Variants in LRRC46 observed in about 807,000 individuals in gnomAD.
The protein encoded by LRRC46 is leucine rich repeat containing 46.
LRRC46 carries 20 observed loss-of-function variants against 28.0 expected under a neutral mutation model. That is an observed-to-expected ratio of 0.71 (90% confidence interval 0.50 to 1.04). The LOEUF (loss-of-function observed/expected upper bound fraction) is 1.04. Ranked by LOEUF, LRRC46 falls within the 50% of genes least tolerant of loss-of-function variation. The probability of loss-of-function intolerance (pLI) is 0.00; values close to 1 mark genes in which losing one functional copy is unlikely to be tolerated. For synonymous variants in LRRC46, 156 were observed against 158.8 expected, an observed-to-expected ratio of 0.98 and a Z score of 0.13; for missense variants, 315 against 390.1, an observed-to-expected ratio of 0.81 and a Z score of 1.62.
chr17:47,831,714 C>A lies in LRRC46; in HGVS notation c.-276C>A. 1 of 645,394 alleles carries A rather than the reference C, an allele frequency of 1.5e-6. No individual in the cohort carries two copies. 40.0% of individuals were successfully genotyped at this position (645,394 alleles called of 1,614,324 possible). A position where few individuals can be genotyped will look rare whatever the true frequency, so the allele number is the denominator to read the frequency against. On this transcript the variant is annotated 5_prime_UTR_variant, in exon 1 of 8. The change creates a new upstream start codon in the 5' untranslated region. Coordinates refer to ENST00000269025, the MANE Select transcript of LRRC46 (RefSeq NM_033413.4). ...AGCAACGACTCCGGCTTCCTAGGAA[C>A]TGCTCCTTTCTCAACCATTCCTGCC...
At chr17:47,835,804 AAC>A in intron 5 of LRRC46, 29 bp downstream of exon 5, 1 of 1,587,570 alleles carries the variant, frequency 6.3e-7, no homozygotes, top group Non-Finnish European at 8.7e-7. Flanking sequence ...TGGCTCACCA[AAC>A]ACATCCCCTG....
chr17:47,837,384 C>T lies in LRRC46; in HGVS notation c.*264C>T, dbSNP rs2033712494. On this transcript the variant is annotated 3_prime_UTR_variant, in exon 8 of 8. Coordinates refer to ENST00000269025, the MANE Select transcript of LRRC46 (RefSeq NM_033413.4). ...ACAGGGCAGGCATGCCTCAGGCCCC[C>T]GCTGGCTTCCTGGCTCCCACTTGGG... The T allele has an allele frequency of 1.0e-5, 5 of 485,498 alleles. No homozygotes were observed. The highest frequency in any genetic ancestry group is 8.2e-5 in the South Asian group (3 of 36,366). The allele number at this position is 485,498 out of a possible 1,614,324, so 30.1% of individuals were successfully genotyped here.
intron 5 of LRRC46, 74 bp from the exon 6 acceptor site, chr17:47,835,959 C>T (rs1268725285): frequency 1.3e-6 from 2 of 1,537,452 alleles, no homozygotes; most frequent in Non-Finnish European, 9.0e-7. Context: ...ATGAGAACCC[C>T]ATTCCCATCG....
chr17:47,836,093 A>T lies in LRRC46; in HGVS notation c.443A>T (p.Asp148Val), dbSNP rs1433829696. 1 of 1,614,156 alleles carries T rather than the reference A, an allele frequency of 6.2e-7. No individual in the cohort carries two copies. Among genetic ancestry groups the T allele is most frequent in the Admixed American group, 1.7e-5 (1 of 60,024 alleles). Residue 148 changes from aspartate to valine, a missense_variant, in exon 6 of 8, where the codon GAT becomes GTT. Asp to Val is a radical substitution (Grantham distance 152). Transcript: ENST00000269025. This position sits in a 1 kb window ranked among gnomAD's most constrained non-coding sequence, Gnocchi z 5.8. The stretch of plus-strand genomic sequence containing the variant: ...TCTGGAAACAGCTGCACCAACCAGG[A>T]TGGCTACCGGTAAGGAGTGGAGGGT... ...NLSGNSCTNQ[D>V]GYRELVTEAL...
At chr17:47,832,265 C>A in intron 2 of LRRC46, 60 bp downstream of exon 2, 1 of 1,257,940 alleles carries the variant, frequency 7.9e-7, no homozygotes, top group Non-Finnish European at 1.1e-6. Context: ...ATGACCAGGT[C>A]CCTGACGTGT....
Position 47,835,712 on chromosome 17 carries a change from C to G in LRRC46, c.319C>G (p.Leu107Val), listed in dbSNP as rs1292289460. The G allele has an allele frequency of 6.2e-7, 1 of 1,614,218 alleles. No individual in the cohort carries two copies. Among genetic ancestry groups the G allele is most frequent in the Non-Finnish European group, 8.5e-7 (1 of 1,180,044 alleles). The change falls in exon 5 of 8, where the codon CTC (leucine) becomes GTC (valine). Residue 107 changes from leucine to valine, a missense_variant. Physicochemically the swap from Leu to Val is conservative, Grantham distance 32 (BLOSUM62 1). Coordinates refer to ENST00000269025, the MANE Select transcript of LRRC46 (RefSeq NM_033413.4). ...CCAAATCAGGCAGGTGGAAAACCTC[C>G]TCGACCTCCCATGCCTCCAGTTTCT... ...GNQIRQVENL[L>V]DLPCLQFLDL...
chr17:47,833,785 C>G (rs987870934), intron 2 of LRRC46: 4 of 173,756 alleles, frequency 2.3e-5, no homozygotes, highest in Non-Finnish European at 4.3e-5. Context: ...GGGTCTTGCT[C>G]TGTCACCCAG....
Position 47,837,628 on chromosome 17 carries a change from G to T in LRRC46, c.*508G>T. On this transcript the variant is annotated 3_prime_UTR_variant, in exon 8 of 8. Transcript: ENST00000269025. Reference sequence around the variant, plus strand: ...CCACAGGCCCCGCAGCCAGCCCACAGCTGCCTTTGGGCCTCACTTGGCTCT... The same window carrying T: ...CCACAGGCCCCGCAGCCAGCCCACATCTGCCTTTGGGCCTCACTTGGCTCT... The T allele has an allele frequency of 1.7e-6, 1 of 592,068 alleles. No individual in the cohort carries two copies. Among genetic ancestry groups the T allele is most frequent in the Non-Finnish European group, 2.8e-6 (1 of 356,020 alleles). The allele number at this position is 592,068 out of a possible 1,614,324, so 36.7% of individuals were successfully genotyped here.
At chr17:47,835,822 C>A in intron 5 of LRRC46, 47 bp downstream of exon 5, 1 of 1,509,926 alleles carries the variant, frequency 6.6e-7, no homozygotes, top group Non-Finnish European at 9.2e-7. Context: ...CCCTGTGGGG[C>A]CTGCCCTCCC....
chr17:47,834,054 A>G (rs2033666399), intron 2 of LRRC46: 1 of 999,312 alleles, frequency 1.0e-6, no homozygotes, highest in Non-Finnish European at 1.2e-6. Context: ...GAAGGTGAGG[A>G]AGGATCTTTC....
rs1302839966 is a variant in LRRC46, at chr17:47,836,563, C to T, written c.595+88C>T. 2.6e-5 allele frequency: 41 copies of T among 1,548,344 alleles called. No homozygotes were observed. Among genetic ancestry groups the T allele is most frequent in the Non-Finnish European group, 3.3e-5 (38 of 1,145,190 alleles). ...GGGAAGCTAAGGTGGCAGTGGCGTCCGGGGAGGGGAGCCCCAAGTTCAGAT... is the reference window on the plus strand; with the variant it reads ...GGGAAGCTAAGGTGGCAGTGGCGTCTGGGGAGGGGAGCCCCAAGTTCAGAT... On this transcript the variant is annotated intron_variant, in intron 7 of 7. Coordinates refer to ENST00000269025, the MANE Select transcript of LRRC46 (RefSeq NM_033413.4). This position sits in a 1 kb window ranked among gnomAD's most constrained non-coding sequence, Gnocchi z 5.8.
intron 3 of LRRC46, 101 bp downstream of exon 3, chr17:47,834,634 T>C (rs1054367317): frequency 1.4e-6 from 1 of 721,918 alleles, no homozygotes. Context: ...TTCCCTGGTG[T>C]TCAGGCAGGC....
Position 47,836,387 on chromosome 17 carries a change from G to GA in LRRC46, c.507_508insA (p.Val170SerfsTer8). On this transcript the variant is annotated frameshift_variant, in exon 7 of 8. Coordinates refer to ENST00000269025, the MANE Select transcript of LRRC46 (RefSeq NM_033413.4). LOFTEE classifies it high-confidence loss of function. The surrounding 1 kb of genome is among the most constrained non-coding windows in gnomAD (Gnocchi z 5.8). ...TCCTGGACCTGGACGGGCAGCCTGT[G>GA]GTGGAGCGCTGGATTTCGGATGAGG... 1 of 1,614,132 alleles carries GA rather than the reference G, an allele frequency of 6.2e-7. No homozygotes were observed. Among genetic ancestry groups the GA allele is most frequent in the Non-Finnish European group, 8.5e-7 (1 of 1,180,020 alleles).
At chr17:47,835,588 G>A (rs554923232) in intron 4 of LRRC46, 78 bp from the exon 5 acceptor site, 22 of 1,477,480 alleles carry the variant, frequency 1.5e-5, no homozygotes, top group South Asian at 1.0e-4. Context: ...CAGGGGCCCC[G>A]GTGTCAGGTG....
At chr17:47,835,552 C>T in intron 4 of LRRC46, 114 bp from the exon 5 acceptor site, 2 of 1,342,462 alleles carry the variant, frequency 1.5e-6, no homozygotes, top group East Asian at 2.3e-5. Context: ...GGCCATGTGT[C>T]CCCACTGGTC....
chr17:47,835,376 C>T lies in LRRC46; in HGVS notation c.249C>T (p.Asn83=), dbSNP rs1174811181. The change falls in exon 4 of 8, where the codon AAC becomes AAT. Residue 83 remains asparagine, a synonymous_variant. Coordinates refer to ENST00000269025, the MANE Select transcript of LRRC46 (RefSeq NM_033413.4). Reference sequence around the variant, plus strand: ...AGAATAAGATCCAGCAAATTGAGAACCTGGCTTGCATCCCCTCCTTGCGGT... The same window carrying T: ...AGAATAAGATCCAGCAAATTGAGAATCTGGCTTGCATCCCCTCCTTGCGGT... ...LQGNKIQQIE[N]LACIPSLRFL... is the part of the protein sequence containing the mutation. 4 of 1,614,062 alleles carry T rather than the reference C, an allele frequency of 2.5e-6. No homozygotes were observed. The highest frequency in any genetic ancestry group is 1.3e-5 in the African/African-American group (1 of 74,932).
intron 2 of LRRC46, among the ~76,000 whole-genome samples, chr17:47,833,259 C>T: frequency 6.6e-6 from 1 of 152,100 alleles, no homozygotes; most frequent in East Asian, 1.9e-4. Flanking sequence ...ATTTAGTGCA[C>T]AGCCTATGTA....
Position 47,835,532 on chromosome 17 carries a change from C to T in LRRC46, c.272+133C>T, listed in dbSNP as rs73985410. 2,849 of 1,376,064 alleles carry T rather than the reference C, an allele frequency of 2.1e-3. 43 individuals are homozygous for T. In the African/African-American group the frequency reaches 0.035, roughly 17 times the overall value. The allele number at this position is 1,376,064 out of a possible 1,614,324, so 85.2% of individuals were successfully genotyped here. ...ACCAGCAAGCCTAGATCTACTCCCT[C>T]ACCCCAGAAGGCCATGTGTCCCCAC... is the stretch of plus-strand genomic sequence containing the variant. On this transcript the variant is annotated intron_variant, in intron 4 of 7. Transcript: ENST00000269025.
rs2143614923 is a variant in LRRC46, at chr17:47,837,532, C to G, written c.*412C>G. On this transcript the variant is annotated 3_prime_UTR_variant, in exon 8 of 8. Transcript: ENST00000269025. ...GGTCCTAGTCATCCCCAACAGCAGC[C>G]AGCTCCTGTCCCCTCCCTGTCCTCC... The G allele has an allele frequency of 4.7e-6, 2 of 426,376 alleles. No individual in the cohort carries two copies. The highest frequency in any genetic ancestry group is 9.9e-5 in the East Asian group (2 of 20,120). 26.4% of individuals were successfully genotyped at this position (426,376 alleles called of 1,614,324 possible).
Sources: allele counts gnomAD v4.1 joint callset (sites outside exome capture counted in the v4.1 genomes callset), GRCh38; gene constraint gnomAD v4.1.1; non-coding constraint Gnocchi (gnomAD v3.1); transcripts MANE v1.5; gene names NCBI Gene and HGNC (gene_info 2026-07-23, HGNC 2026-07-21).